Variants in CAMKMT observed in about 807,000 individuals in gnomAD.
CAMKMT encodes calmodulin-lysine N-methyltransferase, also known as CaM KMT.
A neutral mutation model predicts 48.0 loss-of-function variants in CAMKMT; 53 were observed. The observed-to-expected ratio is 1.10, with a 90% confidence interval of 0.89 to 1.39. The LOEUF is 1.39. Ranked by LOEUF, CAMKMT falls within the 40% of genes most tolerant of loss-of-function variation. The pLI is 0.00. For missense variants in CAMKMT, 428 were observed against 402.7 expected (o/e 1.06, Z -0.54); for synonymous variants, 165 against 152.3 (o/e 1.08, Z -0.61).
At chr2:44,373,647 A>G (rs1405125101) in intron 2 of CAMKMT, among the ~76,000 whole-genome samples, 2 of 152,240 alleles carry the variant, frequency 1.3e-5, no homozygotes, top group African/African-American at 4.8e-5. Context: ...AGGTGAGGCT[A>G]GGAATAATTT....
intron 3 of CAMKMT, among the ~76,000 whole-genome samples, chr2:44,484,474 A>C (rs928018355): frequency 1.3e-5 from 2 of 152,074 alleles, no homozygotes; most frequent in Non-Finnish European, 2.9e-5. Flanking sequence ...AAAACAATGA[A>C]GATGGATGGT....
intron 3 of CAMKMT, among the ~76,000 whole-genome samples, chr2:44,574,680 T>A (rs1669111659): frequency 6.6e-6 from 1 of 152,046 alleles, no homozygotes; most frequent in African/African-American, 2.4e-5. Flanking sequence ...AGTAATTTGA[T>A]AATGAAATGA....
chr2:44,762,705 G>A (rs1048088639), intron 9 of CAMKMT, among the ~76,000 whole-genome samples: 8 of 151,998 alleles, frequency 5.3e-5, no homozygotes, highest in Non-Finnish European at 1.0e-4. Flanking sequence ...TTTTCCAGAA[G>A]TACACTCCCT....
At position 44,625,651 on chromosome 2, in the gene CAMKMT, G is replaced by A. The variant is rs914760942; in HGVS notation, c.377-78632G>A. Among the ~76,000 whole-genome samples the A allele has an allele frequency of 4.6e-5, 7 of 151,970 alleles. 1 individual carries two copies. The highest frequency in any genetic ancestry group is 4.6e-4 in the Admixed American group (7 of 15,256). On this transcript the variant is annotated intron_variant, in intron 3 of 10. Coordinates refer to ENST00000378494, the MANE Select transcript of CAMKMT (RefSeq NM_024766.5). ...GATATTTTAAAGCTTTAGCATTTAT[G>A]TTTAGGAATGTGATATATTTGAATA...
intron 6 of CAMKMT, among the ~76,000 whole-genome samples, chr2:44,711,054 C>A (rs115970362): frequency 0.011 from 1,720 of 152,250 alleles, 23 homozygotes; most frequent in African/African-American, 0.039. Flanking sequence ...TTATTTAATA[C>A]AATCCCTGAC....
At chr2:44,393,445 G>A (rs1181134271) in intron 3 of CAMKMT, 1 of 152,128 alleles carries the variant, frequency 6.6e-6, no homozygotes. Flanking sequence ...TGTGATATAC[G>A]ACCCAACCTT....
rs1021641896 is a variant in CAMKMT, at chr2:44,677,723, G to T, written c.377-26560G>T. 2.0e-5 allele frequency among the ~76,000 whole-genome samples: 3 copies of T among 147,404 alleles called. 1 individual carries two copies. The highest frequency in any genetic ancestry group is 1.4e-4 in the Admixed American group (2 of 14,764). On this transcript the variant is annotated intron_variant, in intron 3 of 10. Transcript: ENST00000378494. Reference sequence around the variant, plus strand: ...GACTCCGTCTAAAAAAAAAAAAAGCGTATTTACTTTTAGAAGGTTGTGTTA... The same window carrying T: ...GACTCCGTCTAAAAAAAAAAAAAGCTTATTTACTTTTAGAAGGTTGTGTTA...
At chr2:44,411,494 G>C (rs1407286909) in intron 3 of CAMKMT, among the ~76,000 whole-genome samples, 1 of 152,156 alleles carries the variant, frequency 6.6e-6, no homozygotes, top group Non-Finnish European at 1.5e-5. Flanking sequence ...TTTATGAAGT[G>C]AATGCATCTG....
chr2:44,612,394 AGTT>A (rs928739683), intron 3 of CAMKMT, among the ~76,000 whole-genome samples: 1 of 152,204 alleles, frequency 6.6e-6, no homozygotes, highest in Non-Finnish European at 1.5e-5. Context: ...CCATAGCTTT[AGTT>A]GTCAGAAATG....
At chr2:44,426,041 C>G (rs903250314) in intron 3 of CAMKMT, among the ~76,000 whole-genome samples, 3 of 152,204 alleles carry the variant, frequency 2.0e-5, no homozygotes, top group South Asian at 4.1e-4. Context: ...AGGATTGTAT[C>G]TTTTAAGCAG....
At position 44,647,775 on chromosome 2, in the gene CAMKMT, G is replaced by A. The variant is rs943268051; in HGVS notation, c.377-56508G>A. Reference sequence around the variant, plus strand: ...ACAAAAAAATTAGCCAGGCGTGGTAGTGGGCGCCTGTAGTCCCAGCTACTC... The same window carrying A: ...ACAAAAAAATTAGCCAGGCGTGGTAATGGGCGCCTGTAGTCCCAGCTACTC... On this transcript the variant is annotated intron_variant, in intron 3 of 10. Transcript: ENST00000378494. 6.6e-5 allele frequency among the ~76,000 whole-genome samples: 10 copies of A among 152,028 alleles called. No homozygotes were observed. The East Asian group carries it at 1.7e-3, about 26-fold the overall frequency.
At chr2:44,387,894 A>C (rs1335352538) in intron 2 of CAMKMT, among the ~76,000 whole-genome samples, 1 of 152,188 alleles carries the variant, frequency 6.6e-6, no homozygotes, top group East Asian at 1.9e-4. Flanking sequence ...TCTGCTGAGA[A>C]ATCTGCTGTT....
chr2:44,556,820 G>A (rs1466545290), intron 3 of CAMKMT, among the ~76,000 whole-genome samples: 1 of 150,264 alleles, frequency 6.7e-6, no homozygotes, highest in Non-Finnish European at 1.5e-5. Flanking sequence ...GCTCACGCCT[G>A]TAATCCTAGC....
At chr2:44,647,123 T>G (rs1673778474) in intron 3 of CAMKMT, among the ~76,000 whole-genome samples, 1 of 151,578 alleles carries the variant, frequency 6.6e-6, no homozygotes, top group South Asian at 2.1e-4. Context: ...ATGGTGAAAC[T>G]ATGTTACTAA....
At chr2:44,727,645 T>C (rs968209293) in intron 7 of CAMKMT, among the ~76,000 whole-genome samples, 3 of 152,190 alleles carry the variant, frequency 2.0e-5, no homozygotes, top group Non-Finnish European at 4.4e-5. Flanking sequence ...TAGTACTATA[T>C]TGAATAGGAG....
At chr2:44,673,743 C>T (rs1394115153) in intron 3 of CAMKMT, among the ~76,000 whole-genome samples, 1 of 151,988 alleles carries the variant, frequency 6.6e-6, no homozygotes, top group Non-Finnish European at 1.5e-5. Flanking sequence ...ATGAAGACTG[C>T]AGGACAAAGA....
At chr2:44,506,453 T>G (rs547053807) in intron 3 of CAMKMT, among the ~76,000 whole-genome samples, 2 of 152,348 alleles carry the variant, frequency 1.3e-5, no homozygotes, top group South Asian at 2.1e-4. Flanking sequence ...TTTTTCATAT[T>G]TCTTTCTGAT....
intron 2 of CAMKMT, among the ~76,000 whole-genome samples, chr2:44,388,193 T>A (rs1680962932): frequency 6.6e-6 from 1 of 152,166 alleles, no homozygotes; most frequent in Admixed American, 6.5e-5. Context: ...TTGGAGGCTT[T>A]GTTCATATTT....
rs548542239 is a variant in CAMKMT at position 44,616,047 on chromosome 2, G to T, written c.377-88236G>T. Among the ~76,000 whole-genome samples the T allele has an allele frequency of 2.6e-5, 4 of 152,212 alleles. No homozygotes were observed. In the East Asian group the frequency reaches 5.8e-4, roughly 22 times the overall value. Reference sequence around the variant, plus strand: ...CAACCGTGCACTTCAAAAACCCAGAGGTCAGCCTGGACACCTCTTCTCCCC... The same window carrying T: ...CAACCGTGCACTTCAAAAACCCAGATGTCAGCCTGGACACCTCTTCTCCCC... On this transcript the variant is annotated intron_variant, in intron 3 of 10. Coordinates refer to ENST00000378494, the MANE Select transcript of CAMKMT (RefSeq NM_024766.5).
Sources: gnomAD v4.1 joint callset for allele counts (sites outside exome capture counted in the v4.1 genomes callset) on GRCh38, gnomAD v4.1.1 for gene constraint, MANE v1.5 for transcripts, NCBI Gene and HGNC (gene_info 2026-07-23, HGNC 2026-07-21) for gene names.